HYCC2: variants seen among roughly 807,000 people sequenced by gnomAD.
HYCC2 encodes hyccin 2.
chr2:200,976,257 C>A, the HYCC2 span: 1 of 152,114 alleles, frequency 6.6e-6, no homozygotes, highest in African/African-American at 2.4e-5. Context: ...AAAATTCTTA[C>A]AGATTTTCTG....
the HYCC2 span, among the ~76,000 whole-genome samples, chr2:200,986,010 G>A: frequency 6.6e-6 from 1 of 152,134 alleles, no homozygotes; most frequent in East Asian, 1.9e-4. Flanking sequence ...AGTCATTCAG[G>A]AATGTTCAGT....
the HYCC2 span, among the ~76,000 whole-genome samples, chr2:201,068,398 G>A: frequency 0.052 from 7,892 of 152,216 alleles, 474 homozygotes; most frequent in African/African-American, 0.14. Context: ...CTCTAAAGCT[G>A]AAACTACTGT....
the HYCC2 span, among the ~76,000 whole-genome samples, chr2:201,048,056 G>C: frequency 6.6e-6 from 1 of 151,966 alleles, no homozygotes. Flanking sequence ...ATATATATCG[G>C]GGTAAACAGT....
At chr2:201,052,744 G>A in the HYCC2 span, among the ~76,000 whole-genome samples, 8 of 152,200 alleles carry the variant, frequency 5.3e-5, no homozygotes, top group Admixed American at 5.2e-4. Context: ...GGAAGAGAAA[G>A]GCAAGTGAAA....
the HYCC2 span, among the ~76,000 whole-genome samples, chr2:201,034,618 T>A: frequency 6.6e-6 from 1 of 152,224 alleles, no homozygotes; most frequent in Non-Finnish European, 1.5e-5. Context: ...TTAAGGTTAA[T>A]ATTGTTATGT....
the HYCC2 span, chr2:200,987,397 G>A: frequency 4.0e-5 from 51 of 1,289,568 alleles, 1 homozygote; most frequent in Admixed American, 1.8e-4. Flanking sequence ...GTTGGGCTCC[G>A]GCGAGCCATG....
chr2:201,036,480 A>G, the HYCC2 span, among the ~76,000 whole-genome samples: 10 of 151,958 alleles, frequency 6.6e-5, no homozygotes, highest in South Asian at 6.2e-4. Flanking sequence ...TGTGAACATC[A>G]ATGCAAAAAT....
chr2:201,029,689 A>T, the HYCC2 span, among the ~76,000 whole-genome samples: 91 of 152,296 alleles, frequency 6.0e-4, no homozygotes, highest in Admixed American at 2.7e-3. Flanking sequence ...ACAGAAAGCC[A>T]AACACCACAT....
At chr2:201,045,669 T>C in the HYCC2 span, 5 of 394,814 alleles carry the variant, frequency 1.3e-5, no homozygotes, top group Non-Finnish European at 2.2e-5. Context: ...ACAGTTTTGA[T>C]AGGCATTTAC....
chr2:201,047,445 C>CATAT, the HYCC2 span, among the ~76,000 whole-genome samples: 1,131 of 139,618 alleles, frequency 8.1e-3, 7 homozygotes, highest in Middle Eastern at 0.014. Context: ...TCACAGTTCT[C>CATAT]ATATATATAT....
At chr2:201,001,600 G>A in the HYCC2 span, among the ~76,000 whole-genome samples, 2 of 152,140 alleles carry the variant, frequency 1.3e-5, no homozygotes, top group East Asian at 3.8e-4. Context: ...CATATTGTAT[G>A]GATCCATTCA....
At chr2:201,017,219 A>T in the HYCC2 span, 1 of 1,465,736 alleles carries the variant, frequency 6.8e-7, no homozygotes. Context: ...TTTGGTTGTA[A>T]CTGTTGTTTT....
the HYCC2 span, among the ~76,000 whole-genome samples, chr2:201,024,903 G>A: frequency 1.1e-4 from 17 of 151,918 alleles, 1 homozygote; most frequent in Admixed American, 1.1e-3. Context: ...GAGCCCAAGG[G>A]TTCCAGACCA....
At chr2:201,025,764 T>C in the HYCC2 span, among the ~76,000 whole-genome samples, 4 of 151,940 alleles carry the variant, frequency 2.6e-5, no homozygotes, top group Non-Finnish European at 4.4e-5. Context: ...TCTGATGGTA[T>C]AGGAAGTTAG....
At chr2:201,027,946 G>A in the HYCC2 span, among the ~76,000 whole-genome samples, 54 of 150,784 alleles carry the variant, frequency 3.6e-4, no homozygotes, top group East Asian at 9.8e-3. Flanking sequence ...TCAACATAGT[G>A]TTGGAAGTTC....
the HYCC2 span, chr2:201,064,008 G>C: frequency 1.3e-6 from 2 of 1,596,908 alleles, no homozygotes; most frequent in Non-Finnish European, 1.7e-6. Flanking sequence ...GGCTATGGCG[G>C]TTCCAGCAGT....
the HYCC2 span, among the ~76,000 whole-genome samples, chr2:201,046,426 G>T: frequency 1.3e-5 from 2 of 152,232 alleles, no homozygotes; most frequent in Non-Finnish European, 2.9e-5. Flanking sequence ...TCTGCAGTGG[G>T]GGGGAAGAAC....
At chr2:200,981,315 C>A in the HYCC2 span, 6 of 1,614,078 alleles carry the variant, frequency 3.7e-6, no homozygotes, top group Non-Finnish European at 5.1e-6. The surrounding 1 kb of genome is among the most constrained non-coding windows in gnomAD (Gnocchi z 4.5). Context: ...GGGATCGAGA[C>A]TGCTTGGTCA....
chr2:201,008,951 T>G, the HYCC2 span: 1 of 1,383,760 alleles, frequency 7.2e-7, no homozygotes, highest in South Asian at 1.2e-5. Flanking sequence ...AAGTTGTTAC[T>G]ATATACAGTT....
Sources: allele counts gnomAD v4.1 joint callset (sites outside exome capture counted in the v4.1 genomes callset), GRCh38; gene constraint gnomAD v4.1.1; non-coding constraint Gnocchi (gnomAD v3.1); transcripts MANE v1.5; gene names NCBI Gene and HGNC (gene_info 2026-07-23, HGNC 2026-07-21).